The following MAP2 variants were observed in gnomAD, a reference collection of about 807,000 sequenced individuals.
MAP2 encodes the protein microtubule-associated protein 2.
A neutral mutation model predicts 137.6 loss-of-function variants in MAP2; 14 were observed. The ratio of observed to expected loss-of-function variants is 0.10; its 90% CI spans 0.07 to 0.16. MAP2 has a LOEUF of 0.16. MAP2 is among the 10% of genes least tolerant of loss of function. The probability of loss-of-function intolerance (pLI) is 1.00; values close to 1 mark genes in which losing one functional copy is unlikely to be tolerated. For missense variants in MAP2, 2,088 were observed against 2,191.5 expected, an observed-to-expected ratio of 0.95 and a Z score of 0.94; for synonymous variants, 786 against 782.3, an observed-to-expected ratio of 1.00 and a Z score of -0.08.
intron 1 of MAP2, among the ~76,000 whole-genome samples, chr2:209,433,720 T>C (rs1035801639): frequency 6.6e-6 from 1 of 152,134 alleles, no homozygotes; most frequent in African/African-American, 2.4e-5. Context: ...GAGTAGACTT[T>C]TGGTAAGCTG....
chr2:209,642,027 G>T (rs886396156), intron 4 of MAP2, among the ~76,000 whole-genome samples: 1 of 152,108 alleles, frequency 6.6e-6, no homozygotes, highest in Non-Finnish European at 1.5e-5. Flanking sequence ...GTTGGGATTT[G>T]ACTTCTCCTT....
At position 209,524,039 on chromosome 2, in the gene MAP2, T is replaced by G. The variant is rs1016194860; in HGVS notation, c.-172+16398T>G. On this transcript the variant is annotated intron_variant, in intron 2 of 15. Coordinates refer to ENST00000682079, the MANE Select transcript of MAP2 (RefSeq NM_001375505.1). ...CTAAATACTCAAAATTTATTTGAGC[T>G]TTTTTTTTTATTAAATGCAGCGAAA... Among the ~76,000 whole-genome samples, 16 of 148,268 alleles carry G rather than the reference T, an allele frequency of 1.1e-4. 1 individual carries two copies. Among genetic ancestry groups the G allele is most frequent in the Non-Finnish European group, 2.2e-4 (15 of 66,780 alleles).
intron 1 of MAP2, among the ~76,000 whole-genome samples, chr2:209,478,078 G>C (rs776721195): frequency 9.2e-5 from 14 of 152,164 alleles, no homozygotes; most frequent in Non-Finnish European, 1.6e-4. Flanking sequence ...TGCTACTTGG[G>C]CTAAAGTTTT....
At chr2:209,704,610 C>A (rs750687733) in intron 11 of MAP2, 4 of 1,602,546 alleles carry the variant, frequency 2.5e-6, no homozygotes, top group Admixed American at 3.5e-5. Context: ...TACTCAAAAT[C>A]AGGGAACAAG....
At chr2:209,524,036 AG>A (rs767708269) in intron 2 of MAP2, among the ~76,000 whole-genome samples, 1 of 151,910 alleles carries the variant, frequency 6.6e-6, no homozygotes, top group Non-Finnish European at 1.5e-5. Flanking sequence ...AATTTATTTG[AG>A]CTTTTTTTTT....
At chr2:209,487,275 G>C (rs141062235) in intron 1 of MAP2, among the ~76,000 whole-genome samples, 3,264 of 152,182 alleles carry the variant, frequency 0.021, 42 homozygotes, top group Non-Finnish European at 0.033. Flanking sequence ...CTCCGTTTTC[G>C]CTTATTAGTA....
At chr2:209,556,923 C>T (rs2070825327) in intron 2 of MAP2, among the ~76,000 whole-genome samples, 2 of 151,800 alleles carry the variant, frequency 1.3e-5, no homozygotes. Context: ...TTATCATTCT[C>T]CTAATGGAAA....
At chr2:209,553,735 C>A (rs533598162) in intron 2 of MAP2, among the ~76,000 whole-genome samples, 1 of 152,130 alleles carries the variant, frequency 6.6e-6, no homozygotes, top group Non-Finnish European at 1.5e-5. Context: ...TTGTCCTCAT[C>A]CCTAAGTGGC....
intron 2 of MAP2, among the ~76,000 whole-genome samples, chr2:209,566,437 A>G (rs1272470964): frequency 2.0e-5 from 3 of 152,164 alleles, no homozygotes; most frequent in Admixed American, 6.6e-5. Flanking sequence ...ATTGAGTAAG[A>G]TCTTTCAAGT....
chr2:209,496,218 T>C (rs774016907), intron 1 of MAP2, among the ~76,000 whole-genome samples: 1 of 152,164 alleles, frequency 6.6e-6, no homozygotes, highest in Non-Finnish European at 1.5e-5. Flanking sequence ...TTGTGCCGTA[T>C]ACCACACTAA....
intron 4 of MAP2, among the ~76,000 whole-genome samples, chr2:209,626,012 T>A (rs1168609854): frequency 6.6e-6 from 1 of 152,188 alleles, no homozygotes; most frequent in African/African-American, 2.4e-5. Flanking sequence ...TTTTTTTAAA[T>A]TAGAAGTACT....
At chr2:209,574,342 T>C (rs897518244) in intron 2 of MAP2, among the ~76,000 whole-genome samples, 1 of 152,122 alleles carries the variant, frequency 6.6e-6, no homozygotes, top group Non-Finnish European at 1.5e-5. Flanking sequence ...CTGTGTCTAA[T>C]GTACTACACT....
chr2:209,454,279 C>T (rs1484490347), intron 1 of MAP2, among the ~76,000 whole-genome samples: 1 of 151,668 alleles, frequency 6.6e-6, no homozygotes, highest in Non-Finnish European at 1.5e-5. Context: ...TGGTGTAAGG[C>T]AGGATTGTTC....
chr2:209,590,150 G>A (rs2078858095), intron 3 of MAP2, among the ~76,000 whole-genome samples: 1 of 151,994 alleles, frequency 6.6e-6, no homozygotes, highest in Non-Finnish European at 1.5e-5. Flanking sequence ...TAGCACACCA[G>A]GGATACTGAA....
At chr2:209,437,502 C>A (rs1363453166) in intron 1 of MAP2, among the ~76,000 whole-genome samples, 1 of 151,438 alleles carries the variant, frequency 6.6e-6, no homozygotes, top group Non-Finnish European at 1.5e-5. Context: ...GTACTGTTGC[C>A]TTCTAATTTC....
chr2:209,495,196 T>C (rs2059601980), intron 1 of MAP2, among the ~76,000 whole-genome samples: 1 of 152,166 alleles, frequency 6.6e-6, no homozygotes, highest in Non-Finnish European at 1.5e-5. Flanking sequence ...CAGGGGCTTG[T>C]GGATAAAACT....
chr2:209,474,935 A>C (rs187511692), intron 1 of MAP2, among the ~76,000 whole-genome samples: 47 of 152,122 alleles, frequency 3.1e-4, no homozygotes, highest in Non-Finnish European at 5.7e-4. Flanking sequence ...GCCAGAGATA[A>C]TTTCAAATAT....
At chr2:209,572,025 T>G (rs1390872658) in intron 2 of MAP2, among the ~76,000 whole-genome samples, 2 of 151,878 alleles carry the variant, frequency 1.3e-5, no homozygotes, top group Non-Finnish European at 2.9e-5. Context: ...TTCAAGATGG[T>G]GCATAATCCA....
chr2:209,441,360 C>T (rs972209697), intron 1 of MAP2, among the ~76,000 whole-genome samples: 24 of 151,528 alleles, frequency 1.6e-4, no homozygotes, highest in Non-Finnish European at 1.2e-4. Context: ...ATGGATAAAA[C>T]ATTACTCATA....
Sources: gnomAD v4.1 joint callset for allele counts (sites outside exome capture counted in the v4.1 genomes callset) on GRCh38, gnomAD v4.1.1 for gene constraint, MANE v1.5 for transcripts, NCBI Gene and HGNC (gene_info 2026-07-23, HGNC 2026-07-21) for gene names.